PLXNA4: variants seen among roughly 807,000 people sequenced by gnomAD.
PLXNA4 encodes the protein plexin A4.
A neutral mutation model predicts 191.8 loss-of-function variants in PLXNA4; 44 were observed. The observed-to-expected ratio is 0.23, with a 90% CI of 0.18 to 0.29. The LOEUF (loss-of-function observed/expected upper bound fraction) is 0.29. Among genes scored for constraint, PLXNA4 ranks in the 10% least tolerant of loss-of-function variants. The pLI is 1.00. For synonymous variants in PLXNA4, 1,082 were observed against 1,009.5 expected, an observed-to-expected ratio of 1.07 and a Z score of -1.36; for missense variants, 1,800 against 2,488.8, an observed-to-expected ratio of 0.72 and a Z score of 5.89.
chr7:132,349,042 CTG>C (rs1803370482), intron 3 of PLXNA4, among the ~76,000 whole-genome samples: 1 of 152,164 alleles, frequency 6.6e-6, no homozygotes, highest in Admixed American at 6.5e-5. Context: ...GTTTGCTCCT[CTG>C]TAAGACACTG....
chr7:132,593,408 C>T (rs1359884409), intron 2 of PLXNA4, among the ~76,000 whole-genome samples: 1 of 152,196 alleles, frequency 6.6e-6, no homozygotes, highest in Admixed American at 6.5e-5. Context: ...GTGACACCAC[C>T]CCAGGTAAGC....
intron 25 of PLXNA4, among the ~76,000 whole-genome samples, chr7:132,152,806 G>C (rs1477492159): frequency 6.6e-6 from 1 of 152,166 alleles, no homozygotes; most frequent in Admixed American, 6.5e-5. Context: ...AAATCCTGGG[G>C]CAGAGTGACT....
intron 14 of PLXNA4, among the ~76,000 whole-genome samples, chr7:132,193,325 T>C (rs991343344): frequency 1.3e-5 from 2 of 152,224 alleles, no homozygotes; most frequent in South Asian, 4.2e-4. Context: ...AAGAAGGCAC[T>C]TGCCAGATGT....
At chr7:132,350,755 T>C (rs1045488141) in intron 3 of PLXNA4, among the ~76,000 whole-genome samples, 1 of 152,164 alleles carries the variant, frequency 6.6e-6, no homozygotes, top group African/African-American at 2.4e-5. Flanking sequence ...GAAATAGATT[T>C]ACTATATGAT....
chr7:132,457,568 A>G (rs1180591659), intron 3 of PLXNA4, among the ~76,000 whole-genome samples: 1 of 152,230 alleles, frequency 6.6e-6, no homozygotes, highest in Non-Finnish European at 1.5e-5. Flanking sequence ...TTGGCCAGAT[A>G]ATAGTCCTCA....
At chr7:132,457,877 G>T (rs766264755) in intron 3 of PLXNA4, among the ~76,000 whole-genome samples, 8 of 152,328 alleles carry the variant, frequency 5.3e-5, no homozygotes, top group East Asian at 1.9e-4. Flanking sequence ...GGCTGGAAAA[G>T]GCAAGGCAAT....
intron 3 of PLXNA4, among the ~76,000 whole-genome samples, chr7:132,377,144 C>T (rs1804689799): frequency 6.6e-6 from 1 of 152,032 alleles, no homozygotes; most frequent in African/African-American, 2.4e-5. Context: ...TAGGAAAAGC[C>T]AGAGAATACG....
At chr7:132,166,797 A>C (rs987045091) in intron 22 of PLXNA4, among the ~76,000 whole-genome samples, 7 of 152,112 alleles carry the variant, frequency 4.6e-5, no homozygotes, top group Admixed American at 2.0e-4. Flanking sequence ...CAACCCTAGA[A>C]TTATGCCAGT....
intron 31 of PLXNA4, among the ~76,000 whole-genome samples, chr7:132,131,659 TA>T (rs1794930495): frequency 6.6e-6 from 1 of 152,378 alleles, no homozygotes; most frequent in Non-Finnish European, 1.5e-5. Flanking sequence ...ATGGGTTATT[TA>T]AACACCAAGG....
intron 1 of PLXNA4, among the ~76,000 whole-genome samples, chr7:132,533,822 C>T (rs1799722808): frequency 1.3e-5 from 2 of 152,172 alleles, no homozygotes; most frequent in Admixed American, 1.3e-4. Context: ...TGAACAAGGC[C>T]ACCTCATCCT....
chr7:132,527,919 C>T lies in PLXNA4; in HGVS notation c.-86-19140G>A, dbSNP rs79412111. ...TGGAACAAGGAGATAAGGTGACCTT[C>T]TGAGAGTTAATTTAGTAACAATCAA... On this transcript the variant is annotated intron_variant, in intron 1 of 31. Coordinates refer to ENST00000321063, the MANE Select transcript of PLXNA4 (RefSeq NM_020911.2). Among the ~76,000 whole-genome samples the T allele has an allele frequency of 1.1e-4, 16 of 152,296 alleles. No homozygotes were observed. In the East Asian group the frequency reaches 3.1e-3, roughly 29 times the overall value.
chr7:132,173,271 G>C lies in PLXNA4; in HGVS notation c.4017+1507C>G, dbSNP rs560550961. Among the ~76,000 whole-genome samples, 23 of 152,302 alleles carry C rather than the reference G, an allele frequency of 1.5e-4. 1 individual carries two copies. Among genetic ancestry groups the C allele is most frequent in the African/African-American group, 4.6e-4 (19 of 41,558 alleles). On this transcript the variant is annotated intron_variant, in intron 21 of 31. Coordinates refer to ENST00000321063, the MANE Select transcript of PLXNA4 (RefSeq NM_020911.2). ...AAGGAAGAGAAAAATGAGTAGGACTGGGGGAGGAGCAAAGACCAGGAGCAA... is the reference window on the plus strand; with the variant it reads ...AAGGAAGAGAAAAATGAGTAGGACTCGGGGAGGAGCAAAGACCAGGAGCAA...
At chr7:132,411,322 C>A (rs1374441999) in intron 3 of PLXNA4, among the ~76,000 whole-genome samples, 1 of 152,166 alleles carries the variant, frequency 6.6e-6, no homozygotes, top group Admixed American at 6.5e-5. Flanking sequence ...GGCTCTGGCA[C>A]CTCGCCACCT....
At chr7:132,155,238 G>A (rs1795757686) in intron 25 of PLXNA4, among the ~76,000 whole-genome samples, 3 of 152,168 alleles carry the variant, frequency 2.0e-5, no homozygotes, top group Admixed American at 1.3e-4. Context: ...GAGACTGCGT[G>A]TGAACGGAAT....
intron 4 of PLXNA4, among the ~76,000 whole-genome samples, chr7:132,269,311 T>C (rs1049932192): frequency 1.3e-5 from 2 of 152,130 alleles, no homozygotes; most frequent in Non-Finnish European, 2.9e-5. Flanking sequence ...TTTAGAGCAG[T>C]TTTAGGTTCA....
intron 3 of PLXNA4, among the ~76,000 whole-genome samples, chr7:132,434,258 G>A (rs934394628): frequency 6.6e-6 from 1 of 152,174 alleles, no homozygotes; most frequent in Non-Finnish European, 1.5e-5. Context: ...GCCACAGTGT[G>A]CACCCAGCTC....
At chr7:132,467,100 G>A (rs1796735114) in intron 3 of PLXNA4, among the ~76,000 whole-genome samples, 1 of 152,164 alleles carries the variant, frequency 6.6e-6, no homozygotes, top group Admixed American at 6.5e-5. Context: ...AGTCACTGGT[G>A]GGATGGGGAC....
chr7:132,397,059 G>A (rs548433072), intron 3 of PLXNA4, among the ~76,000 whole-genome samples: 2 of 152,312 alleles, frequency 1.3e-5, no homozygotes, highest in African/African-American at 4.8e-5. Flanking sequence ...CACACCACCC[G>A]CATTCTCTGC....
chr7:132,318,279 G>A (rs1802023218), intron 3 of PLXNA4, among the ~76,000 whole-genome samples: 2 of 152,206 alleles, frequency 1.3e-5, no homozygotes, highest in Admixed American at 1.3e-4. Flanking sequence ...ATCACACCAG[G>A]GTCTGACCCT....
Sources: gnomAD v4.1 joint callset for allele counts (sites outside exome capture counted in the v4.1 genomes callset) on GRCh38, gnomAD v4.1.1 for gene constraint, MANE v1.5 for transcripts, NCBI Gene and HGNC (gene_info 2026-07-23, HGNC 2026-07-21) for gene names.